Variants in TMEM139 observed in about 807,000 individuals in gnomAD.
The protein encoded by TMEM139 is transmembrane protein 139.
TMEM139 carries 9 observed loss-of-function variants against 15.9 expected under a neutral mutation model. That is an observed-to-expected ratio of 0.57 (90% confidence interval 0.34 to 0.99). The LOEUF (loss-of-function observed/expected upper bound fraction) is 0.99. Ranked by LOEUF, TMEM139 falls within the 50% of genes least tolerant of loss-of-function variation. The pLI, the probability that TMEM139 is intolerant of heterozygous loss-of-function variation, is 0.02. For synonymous variants in TMEM139, 95 were observed against 110.5 expected (o/e 0.86, Z 0.88); for missense variants, 270 against 267.7 (o/e 1.01, Z -0.06).
At position 143,287,725 on chromosome 7, in the gene TMEM139, C is replaced by G. The variant is rs1160283105; in HGVS notation, c.*896C>G. The G allele has an allele frequency of 6.6e-6, 1 of 152,254 alleles. No homozygotes were observed. Among genetic ancestry groups the G allele is most frequent in the Non-Finnish European group, 1.5e-5 (1 of 68,074 alleles). The allele number at this position is 152,254 out of a possible 1,614,324, so 9.4% of individuals were successfully genotyped here. On this transcript the variant is annotated 3_prime_UTR_variant, in exon 3 of 3. Transcript: ENST00000359333. ...CTGGCGAGGAGACTCCCTCTTGAATCATCCATATGTAGCCCCGGGGTCACT... is the reference window on the plus strand; with the variant it reads ...CTGGCGAGGAGACTCCCTCTTGAATGATCCATATGTAGCCCCGGGGTCACT...
At position 143,287,018 on chromosome 7, in the gene TMEM139, C is replaced by A. The variant is rs1801359631; in HGVS notation, c.*189C>A. 1.0e-5 allele frequency: 6 copies of A among 602,636 alleles called. No individual in the cohort carries two copies. The highest frequency in any genetic ancestry group is 3.7e-5 in the African/African-American group (2 of 53,526). The allele number at this position is 602,636 out of a possible 1,614,324, so 37.3% of individuals were successfully genotyped here. On this transcript the variant is annotated 3_prime_UTR_variant, in exon 3 of 3. Coordinates refer to ENST00000359333, the MANE Select transcript of TMEM139 (RefSeq NM_001282876.2). ...GAGATATGGGTGGCATAATTTGAGT[C>A]TTCTGGCAACATTTGGTGACCTACC...
rs769384623 is a variant in TMEM139, at chr7:143,286,797, G to GT, written c.625dup (p.Tyr209LeufsTer2). 1 of 1,608,864 alleles carries GT rather than the reference G, an allele frequency of 6.2e-7. No homozygotes were observed. Among genetic ancestry groups the GT allele is most frequent in the African/African-American group, 1.3e-5 (1 of 74,814 alleles). On this transcript the variant is annotated frameshift_variant, in exon 3 of 3. Transcript: ENST00000359333. LOFTEE classifies it high-confidence loss of function. The stretch of plus-strand genomic sequence containing the variant: ...CTTTGGTCACCCTGATGATGATAGT[G>GT]TTTTTTATGAGGACAACTGGGCACC...
chr7:143,286,828 A>T lies in TMEM139; in HGVS notation c.650A>T (p.Ter217LeuextTer17). The T allele has an allele frequency of 6.3e-7, 1 of 1,578,588 alleles. No individual in the cohort carries two copies. The highest frequency in any genetic ancestry group is 8.6e-7 in the Non-Finnish European group (1 of 1,158,160). Residue 217 changes from the stop codon to leucine (L), a stop_lost, in exon 3 of 3, where the codon TAA (stop) becomes TTA (leucine). Transcript: ENST00000359333. ...VFYEDNWAPP[*>L] ...TATGAGGACAACTGGGCACCCCCTT[A>T]AATGACTCTCCCAAGATTTCTCTTC...
rs1257851779 is a variant in TMEM139 at position 143,287,415 on chromosome 7, A to G, written c.*586A>G. On this transcript the variant is annotated 3_prime_UTR_variant, in exon 3 of 3. Transcript: ENST00000359333. ...TGGTGCAGGATGGAAGACTTCCTAT[A>G]AACAGAATGGGCGACCAATTGTGTC... 1.3e-5 allele frequency: 2 copies of G among 152,390 alleles called. No individual in the cohort carries two copies. The highest frequency in any genetic ancestry group is 3.9e-4 in the East Asian group (2 of 5,194). The allele number at this position is 152,390 out of a possible 1,614,324, so 9.4% of individuals were successfully genotyped here. A position where few individuals can be genotyped will look rare whatever the true frequency, so the allele number is the denominator to read the frequency against.
intron 2 of TMEM139, 60 bp from the exon 3 acceptor site, chr7:143,286,364 A>G: frequency 1.3e-6 from 2 of 1,522,538 alleles, no homozygotes; most frequent in South Asian, 1.3e-5. Context: ...GCAGACAAAA[A>G]AAAGGGAAAA....
rs1455486208 is a variant in TMEM139 at position 143,286,328 on chromosome 7, G to A, written c.246-96G>A. 3 of 1,536,678 alleles carry A rather than the reference G, an allele frequency of 2.0e-6. No homozygotes were observed. In the East Asian group the frequency reaches 6.8e-5, roughly 35 times the overall value. ...GGCATCAGCGGGAGGAGGGGTCAGA[G>A]GCCAACAGAGGATCTTTTGCCCACA... On this transcript the variant is annotated intron_variant, in intron 2 of 2. Coordinates refer to ENST00000359333, the MANE Select transcript of TMEM139 (RefSeq NM_001282876.2).
rs368800303 is a variant in TMEM139 at position 143,286,055 on chromosome 7, C to T, written c.98C>T (p.Thr33Met). The T allele has an allele frequency of 4.0e-5, 65 of 1,614,008 alleles. No individual in the cohort carries two copies. Among genetic ancestry groups the T allele is most frequent in the Non-Finnish European group, 4.6e-5 (54 of 1,180,030 alleles). ...LLGLALLGIK[T>M]DITPVAYFFL... ...GGGCTGGCTTTGCTGGGCATAAAGA[C>T]GGACATCACCCCCGTTGCTTATTTC... Residue 33 changes from threonine (T) to methionine (M), a missense_variant, in exon 2 of 3, where the codon ACG becomes ATG. By Grantham distance (81) the Thr-to-Met change is moderately conservative. Transcript: ENST00000359333.
At position 143,286,977 on chromosome 7, in the gene TMEM139, T is replaced by A. The variant is rs1269991988; in HGVS notation, c.*148T>A. On this transcript the variant is annotated 3_prime_UTR_variant, in exon 3 of 3. Coordinates refer to ENST00000359333, the MANE Select transcript of TMEM139 (RefSeq NM_001282876.2). ...GACCCTGAGGAGAGTCAGGCCACGG[T>A]AAGCCCTTCCCAGCTGAGATATGGG... 3.2e-6 allele frequency: 3 copies of A among 929,642 alleles called. No homozygotes were observed. In the East Asian group the frequency reaches 7.6e-5, roughly 24 times the overall value. The allele number at this position is 929,642 out of a possible 1,614,324, so 57.6% of individuals were successfully genotyped here. A position where few individuals can be genotyped will look rare whatever the true frequency, so the allele number is the denominator to read the frequency against.
rs1375581859 is a variant in TMEM139, at chr7:143,286,536, C to T, written c.358C>T (p.Pro120Ser). 1.9e-6 allele frequency: 3 copies of T among 1,613,250 alleles called. No homozygotes were observed. Among genetic ancestry groups the T allele is most frequent in the East Asian group, 2.2e-5 (1 of 44,804 alleles). The change falls in exon 3 of 3, where the codon CCC becomes TCC. Residue 120 changes from proline to serine, a missense_variant. Physicochemically the swap from Pro to Ser is moderately conservative, Grantham distance 74. Coordinates refer to ENST00000359333, the MANE Select transcript of TMEM139 (RefSeq NM_001282876.2). ...ACCCCCCTACAGCACTGTTGTGATA[C>T]CCCCAGCACCTGAGGAGGAACAACC... ...QPPPYSTVVI[P>S]PAPEEEQPSH...
rs139333357 is a variant in TMEM139, at chr7:143,286,612, C to T, written c.434C>T (p.Ala145Val). The T allele has an allele frequency of 1.9e-6, 3 of 1,614,028 alleles. No homozygotes were observed. In the Admixed American group the frequency reaches 5.0e-5, roughly 27 times the overall value. The part of the protein sequence containing the change: ...RRAKLEQRRM[A>V]SEGSMAQEGS... ...GCCAAACTGGAACAGAGGCGAATGG[C>T]CTCAGAGGGGTCCATGGCCCAGGAA... Residue 145 changes from alanine to valine, a missense_variant, in exon 3 of 3, where the codon GCC becomes GTC. By Grantham distance (64) the Ala-to-Val change is moderately conservative (BLOSUM62 0). Coordinates refer to ENST00000359333, the MANE Select transcript of TMEM139 (RefSeq NM_001282876.2).
Position 143,286,882 on chromosome 7 carries a change from T to G in TMEM139, c.*53T>G. The G allele has an allele frequency of 6.6e-7, 1 of 1,508,444 alleles. No individual in the cohort carries two copies. The highest frequency in any genetic ancestry group is 8.9e-7 in the Non-Finnish European group (1 of 1,123,958). 93.4% of individuals were successfully genotyped at this position (1,508,444 alleles called of 1,614,324 possible). On this transcript the variant is annotated 3_prime_UTR_variant, in exon 3 of 3. Coordinates refer to ENST00000359333, the MANE Select transcript of TMEM139 (RefSeq NM_001282876.2). ...CCACACCAGACCTCGTTCATTTGACTAACATTTTCCAGCGCCTACTATGTG... is the reference window on the plus strand; with the variant it reads ...CCACACCAGACCTCGTTCATTTGACGAACATTTTCCAGCGCCTACTATGTG...
chr7:143,285,737 GC>G, intron 1 of TMEM139: 1 of 617,328 alleles, frequency 1.6e-6, no homozygotes, highest in Non-Finnish European at 2.8e-6. Context: ...GGGAGTCAAA[GC>G]TCCTGGGCTG....
chr7:143,285,367 G>A lies in TMEM139; in HGVS notation c.-96G>A, dbSNP rs1296644099. ...AAGCAGTTGTGTCCCTGTGGCTTTG[G>A]TGCGCCTGTGTGCACTTTCTCCCTC... On this transcript the variant is annotated 5_prime_UTR_variant, in exon 1 of 3. In the 5' UTR this introduces an upstream ATG that the reference lacks. Coordinates refer to ENST00000359333, the MANE Select transcript of TMEM139 (RefSeq NM_001282876.2). The A allele has an allele frequency of 6.1e-6, 1 of 163,698 alleles. No individual in the cohort carries two copies. Among genetic ancestry groups the A allele is most frequent in the Non-Finnish European group, 1.4e-5 (1 of 73,792 alleles). 10.1% of individuals were successfully genotyped at this position (163,698 alleles called of 1,614,324 possible).
At chr7:143,285,769 A>G (rs1031555206) in intron 1 of TMEM139, 172 bp from the exon 2 acceptor site, 2 of 823,422 alleles carry the variant, frequency 2.4e-6, no homozygotes, top group Admixed American at 5.8e-5. Flanking sequence ...TATTCCACAC[A>G]CTCCAAGACA....
intron 1 of TMEM139, 200 bp from the exon 2 acceptor site, chr7:143,285,741 C>T (rs1801255948): frequency 3.2e-6 from 2 of 634,446 alleles, no homozygotes; most frequent in African/African-American, 3.7e-5. Context: ...GTCAAAGCTC[C>T]TGGGCTGGTT....
In TMEM139 at chr7:143,286,728, C is replaced by T. The variant is rs1366010383; in HGVS notation, c.550C>T (p.Pro184Ser). Residue 184 changes from proline (P) to serine (S), a missense_variant, in exon 3 of 3, where the codon CCC becomes TCC. Physicochemically the swap from Pro to Ser is moderately conservative, Grantham distance 74. Transcript: ENST00000359333. ...APDLQSLAAV[P>S]TLEPLTPPPA... is the part of the protein sequence containing the mutation. Reference sequence around the variant, plus strand: ...TGATCTGCAGAGCTTGGCGGCAGTCCCCACATTAGAGCCTCTGACTCCACC... The same window carrying T: ...TGATCTGCAGAGCTTGGCGGCAGTCTCCACATTAGAGCCTCTGACTCCACC... 1 of 1,614,134 alleles carries T rather than the reference C, an allele frequency of 6.2e-7. No homozygotes were observed. Among genetic ancestry groups the T allele is most frequent in the Non-Finnish European group, 8.5e-7 (1 of 1,180,020 alleles).
At position 143,287,104 on chromosome 7, in the gene TMEM139, C is replaced by T. The variant is rs367916576; in HGVS notation, c.*275C>T. On this transcript the variant is annotated 3_prime_UTR_variant, in exon 3 of 3. Coordinates refer to ENST00000359333, the MANE Select transcript of TMEM139 (RefSeq NM_001282876.2). ...AGGTAGGGAGGTGATCCAGAGAAGGCGGAGAAGGAAGAAGTAACCTCTGAG... is the reference window on the plus strand; with the variant it reads ...AGGTAGGGAGGTGATCCAGAGAAGGTGGAGAAGGAAGAAGTAACCTCTGAG... 5.5e-4 allele frequency: 181 copies of T among 331,098 alleles called. No homozygotes were observed. Among genetic ancestry groups the T allele is most frequent in the African/African-American group, 3.1e-3 (145 of 47,284 alleles). The allele number at this position is 331,098 out of a possible 1,614,324, so 20.5% of individuals were successfully genotyped here.
At position 143,286,188 on chromosome 7, in the gene TMEM139, C is replaced by T; in HGVS notation, c.231C>T (p.Pro77=). The T allele has an allele frequency of 4.3e-6, 7 of 1,613,962 alleles. No homozygotes were observed. Among genetic ancestry groups the T allele is most frequent in the Non-Finnish European group, 5.9e-6 (7 of 1,179,998 alleles). Residue 77 remains proline, a synonymous_variant, in exon 2 of 3, where the codon CCC becomes CCT. Transcript: ENST00000359333. ...LQSMQTESPG[P]SGNARDNEAF... is the part of the protein sequence containing the mutation. ...CAATGCAGACTGAGAGCCCAGGGCC[C>T]TCAGGCAATGCACGGTGAGTTAAGG...
chr7:143,285,807 C>T (rs1801259579), intron 1 of TMEM139, 134 bp from the exon 2 acceptor site: 1 of 1,244,932 alleles, frequency 8.0e-7, no homozygotes, highest in South Asian at 1.5e-5. Context: ...CTGGAGGGGA[C>T]TCTACAGATG....
Sources: allele counts gnomAD v4.1 joint callset, GRCh38; gene constraint gnomAD v4.1.1; transcripts MANE v1.5; gene names NCBI Gene and HGNC (gene_info 2026-07-23, HGNC 2026-07-21).